Variants in TPTE observed in about 807,000 individuals in gnomAD.
The protein encoded by TPTE is transmembrane phosphatase with tensin homology.
A neutral mutation model predicts 84.1 loss-of-function variants in TPTE; 59 were observed. The observed-to-expected ratio is 0.70, with a 90% CI of 0.57 to 0.87. The LOEUF (loss-of-function observed/expected upper bound fraction) is 0.87. Among genes scored for constraint, TPTE ranks in the 40% least tolerant of loss-of-function variants. The pLI, the probability that TPTE is intolerant of heterozygous loss-of-function variation, is 0.00. For synonymous variants in TPTE, 130 were observed against 223.5 expected (o/e 0.58, Z 3.73); for missense variants, 382 against 659.6 (o/e 0.58, Z 4.61).
At chr21:10,525,967 G>A (rs867410172) in intron 2 of TPTE, among the ~76,000 whole-genome samples, 3 of 152,312 alleles carry the variant, frequency 2.0e-5, no homozygotes, top group Non-Finnish European at 2.9e-5. Context: ...TTCCTCAGTA[G>A]AGGATGTCTG....
chr21:10,557,233 G>A (rs1394888787), intron 8 of TPTE, among the ~76,000 whole-genome samples: 2 of 152,308 alleles, frequency 1.3e-5, no homozygotes, highest in African/African-American at 4.8e-5. Flanking sequence ...TTGCTCCCGA[G>A]TGTGAACAGT....
intron 2 of TPTE, 147 bp from the exon 3 acceptor site, chr21:10,527,208 C>G (rs1346458417): frequency 6.5e-6 from 1 of 152,676 alleles, no homozygotes; most frequent in Non-Finnish European, 1.5e-5. Context: ...AGTACTAGTG[C>G]TGTATCCTGA....
chr21:10,545,669 ATGTG>A (rs1357325034), intron 7 of TPTE, among the ~76,000 whole-genome samples: 1 of 152,064 alleles, frequency 6.6e-6, no homozygotes, highest in African/African-American at 2.4e-5. Context: ...ACACATGTAT[ATGTG>A]TGTGTGTGTA....
intron 7 of TPTE, among the ~76,000 whole-genome samples, chr21:10,550,026 G>GAA (rs1175110387): frequency 6.6e-6 from 1 of 152,294 alleles, no homozygotes; most frequent in Non-Finnish European, 1.5e-5. Context: ...AGTTCTGAAA[G>GAA]AAAAAAATCT....
intron 17 of TPTE, among the ~76,000 whole-genome samples, chr21:10,589,395 G>T (rs1266162138): frequency 6.6e-6 from 1 of 152,308 alleles, no homozygotes; most frequent in Non-Finnish European, 1.5e-5. Context: ...CTTCATCCTT[G>T]TTTATTGGGA....
At chr21:10,585,166 G>T in intron 17 of TPTE, among the ~76,000 whole-genome samples, 1 of 152,372 alleles carries the variant, frequency 6.6e-6, no homozygotes, top group South Asian at 2.1e-4. Context: ...GGAGGCAGAG[G>T]TTCCAGTGAG....
At position 10,559,490 on chromosome 21, in the gene TPTE, G is replaced by A. The variant is rs375328033; in HGVS notation, c.234-4G>A. 1.2e-3 allele frequency: 1,910 copies of A among 1,610,366 alleles called. No individual in the cohort carries two copies. In the African/African-American group the frequency reaches 0.022, roughly 19 times the overall value. On this transcript the variant is annotated splice_polypyrimidine_tract_variant and splice_region_variant and intron_variant, in intron 8 of 23. Coordinates refer to ENST00000618007, the MANE Select transcript of TPTE (RefSeq NM_199261.4). ...ATTAATTTTATTTTTACTTCTTTTT[G>A]CAGCAGCAAGATTAAGAAAATTGTG... is the stretch of plus-strand genomic sequence containing the variant.
intron 3 of TPTE, among the ~76,000 whole-genome samples, chr21:10,536,306 G>A (rs1053419515): frequency 6.6e-6 from 1 of 152,308 alleles, no homozygotes; most frequent in Non-Finnish European, 1.5e-5. Flanking sequence ...TCAAATTAGT[G>A]ATATACACAT....
chr21:10,603,869 G>A (rs1298263893), intron 23 of TPTE, among the ~76,000 whole-genome samples: 3 of 152,312 alleles, frequency 2.0e-5, no homozygotes, highest in Non-Finnish European at 4.4e-5. Flanking sequence ...TGTGTTACGA[G>A]TTCAAAAGTA....
chr21:10,571,226 T>A (rs2075036268), intron 14 of TPTE, among the ~76,000 whole-genome samples: 1 of 152,308 alleles, frequency 6.6e-6, no homozygotes, highest in African/African-American at 2.4e-5. Flanking sequence ...ATCAGGCCAC[T>A]GAGGCACTCA....
At chr21:10,565,641 C>G (rs1600911751) in intron 10 of TPTE, among the ~76,000 whole-genome samples, 1 of 152,306 alleles carries the variant, frequency 6.6e-6, no homozygotes, top group Non-Finnish European at 1.5e-5. Flanking sequence ...CACCATGGCA[C>G]TGGCATAAAA....
chr21:10,554,578 C>T (rs1458940269), intron 8 of TPTE, among the ~76,000 whole-genome samples: 1 of 152,300 alleles, frequency 6.6e-6, no homozygotes, highest in Non-Finnish European at 1.5e-5. Flanking sequence ...GATCCTTTTT[C>T]TATTTTATGT....
chr21:10,552,886 A>T (rs868548815), intron 8 of TPTE, among the ~76,000 whole-genome samples, 170 bp downstream of exon 8: 302 of 152,294 alleles, frequency 2.0e-3, no homozygotes, highest in African/African-American at 6.7e-3. Context: ...TTAGACAAGT[A>T]TTATTTTGAA....
At chr21:10,566,253 G>T (rs1304309698) in intron 10 of TPTE, among the ~76,000 whole-genome samples, 1 of 152,306 alleles carries the variant, frequency 6.6e-6, no homozygotes, top group East Asian at 1.9e-4. Flanking sequence ...ATCAAGAGAT[G>T]CTTGACATGA....
At chr21:10,525,222 A>C (rs1391242188) in intron 2 of TPTE, among the ~76,000 whole-genome samples, 1 of 152,310 alleles carries the variant, frequency 6.6e-6, no homozygotes, top group African/African-American at 2.4e-5. Flanking sequence ...GGCGGCTTAC[A>C]AAGCAGCATG....
chr21:10,526,421 C>A (rs1467140032), intron 2 of TPTE, among the ~76,000 whole-genome samples: 3 of 152,310 alleles, frequency 2.0e-5, no homozygotes, highest in Non-Finnish European at 4.4e-5. Context: ...AAAAAGATAC[C>A]ATTTAATATA....
intron 1 of TPTE, among the ~76,000 whole-genome samples, chr21:10,524,148 G>C (rs1468622434): frequency 6.6e-6 from 1 of 152,310 alleles, no homozygotes; most frequent in Non-Finnish European, 1.5e-5. Flanking sequence ...AGGAGGTAAA[G>C]ACCTAGAGGT....
chr21:10,530,019 A>C (rs971691750), intron 3 of TPTE, among the ~76,000 whole-genome samples: 1 of 152,306 alleles, frequency 6.6e-6, no homozygotes, highest in African/African-American at 2.4e-5. Flanking sequence ...TGAACTTATA[A>C]ATTCTTACAT....
In TPTE at chr21:10,551,241, A is replaced by G. The variant is rs556249993; in HGVS notation, c.174-1416A>G. ...CATAGGTGGGAATTGAACAATGAGA[A>G]CACTCAGACACAGGAAGGGGGACAT... On this transcript the variant is annotated intron_variant, in intron 7 of 23. Coordinates refer to ENST00000618007, the MANE Select transcript of TPTE (RefSeq NM_199261.4). 2.7e-5 allele frequency among the ~76,000 whole-genome samples: 4 copies of G among 149,402 alleles called. No individual in the cohort carries two copies. The South Asian group carries it at 8.8e-4, about 33-fold the overall frequency.
Sources: allele counts gnomAD v4.1 joint callset (sites outside exome capture counted in the v4.1 genomes callset), GRCh38; gene constraint gnomAD v4.1.1; transcripts MANE v1.5; gene names NCBI Gene and HGNC (gene_info 2026-07-23, HGNC 2026-07-21).